MPHOSPH6: variants seen among roughly 807,000 people sequenced by gnomAD.
MPHOSPH6 encodes M-phase phosphoprotein 6.
MPHOSPH6 carries 25 observed loss-of-function variants against 21.8 expected under a neutral mutation model. That is an observed-to-expected ratio of 1.15 (90% confidence interval 0.83 to 1.60). MPHOSPH6 has a LOEUF of 1.60. Among genes scored for constraint, MPHOSPH6 ranks in the 40% most tolerant of loss-of-function variants. The pLI is 0.00. For missense variants in MPHOSPH6, 269 were observed against 181.8 expected, an observed-to-expected ratio of 1.48 and a Z score of -2.76; for synonymous variants, 84 against 56.5, an observed-to-expected ratio of 1.49 and a Z score of -2.18.
Position 82,164,083 on chromosome 16 carries a change from C to T in MPHOSPH6, c.163G>A (p.Glu55Lys), listed in dbSNP as rs1006692785. The T allele has an allele frequency of 2.8e-5, 45 of 1,601,938 alleles. No homozygotes were observed. Among genetic ancestry groups the T allele is most frequent in the Non-Finnish European group, 3.7e-5 (43 of 1,171,290 alleles). The change falls in exon 2 of 5, where the codon GAG becomes AAG. Residue 55 changes from glutamate to lysine, a missense_variant and splice_region_variant. Glu to Lys is a moderately conservative substitution (Grantham distance 56). Transcript: ENST00000258169. ...YLDLPELKEK[E>K]SFIIEEQSFL... ...CAGTATCAATTTTAATAAACCTACT[C>T]TTTCTCTTTAAGCTCTGGCAAATCC...
intron 2 of MPHOSPH6, among the ~76,000 whole-genome samples, chr16:82,160,652 T>C (rs1297348875): frequency 6.6e-6 from 1 of 152,230 alleles, no homozygotes; most frequent in East Asian, 1.9e-4. Flanking sequence ...ATCTCAGCTA[T>C]GATGCAAATC....
chr16:82,155,697 A>C (rs1192373788), intron 2 of MPHOSPH6, among the ~76,000 whole-genome samples: 1 of 152,192 alleles, frequency 6.6e-6, no homozygotes, highest in Non-Finnish European at 1.5e-5. Context: ...TGAGGTCAGG[A>C]GTTCAAGATC....
In MPHOSPH6 at chr16:82,170,223, A is replaced by G. The variant is rs779898579; in HGVS notation, c.-48T>C. ...ACTCCGGCCGCGAGCCTCACCGCACATGCGCGGAGCCGCGTGCGCAGCTGC... is the reference window on the plus strand; with the variant it reads ...ACTCCGGCCGCGAGCCTCACCGCACGTGCGCGGAGCCGCGTGCGCAGCTGC... On this transcript the variant is annotated 5_prime_UTR_variant, in exon 1 of 5. It removes an upstream start codon present in the reference 5' UTR. Transcript: ENST00000258169. The G allele has an allele frequency of 6.4e-7, 1 of 1,551,900 alleles. No homozygotes were observed. Among genetic ancestry groups the G allele is most frequent in the Non-Finnish European group, 8.7e-7 (1 of 1,151,068 alleles).
chr16:82,160,330 G>A (rs574261653), intron 2 of MPHOSPH6, among the ~76,000 whole-genome samples: 2 of 152,282 alleles, frequency 1.3e-5, no homozygotes, highest in East Asian at 3.9e-4. Flanking sequence ...TTTCGCAGAT[G>A]AGAAACTACT....
intron 1 of MPHOSPH6, 133 bp downstream of exon 1, chr16:82,169,992 G>A (rs1229133914): frequency 9.7e-6 from 10 of 1,031,742 alleles, no homozygotes; most frequent in Non-Finnish European, 1.4e-5. Context: ...CTAAGTGAAT[G>A]AATGAGCACG....
chr16:82,157,996 T>G (rs1354179721), intron 2 of MPHOSPH6, among the ~76,000 whole-genome samples: 3 of 152,168 alleles, frequency 2.0e-5, no homozygotes, highest in Non-Finnish European at 4.4e-5. Flanking sequence ...AAAACGAATC[T>G]TAGCATGAGT....
intron 2 of MPHOSPH6, among the ~76,000 whole-genome samples, chr16:82,151,840 A>G (rs1205376273): frequency 6.6e-6 from 1 of 152,250 alleles, no homozygotes; most frequent in Admixed American, 6.5e-5. Context: ...TTGTGTTTAC[A>G]TCCCCTCACC....
chr16:82,150,027 AT>A (rs766945137), intron 3 of MPHOSPH6, among the ~76,000 whole-genome samples: 72 of 139,020 alleles, frequency 5.2e-4, no homozygotes, highest in Admixed American at 2.2e-3. Context: ...TTTTTTTTAA[AT>A]GTGTAATCTC....
At chr16:82,169,963 A>T (rs1031724859) in intron 1 of MPHOSPH6, 162 bp downstream of exon 1, 2 of 806,384 alleles carry the variant, frequency 2.5e-6, no homozygotes, top group African/African-American at 1.8e-5. Context: ...GGTTCCCAGT[A>T]AACAGTGCAG....
At chr16:82,155,038 A>C (rs1414643288) in intron 2 of MPHOSPH6, among the ~76,000 whole-genome samples, 1 of 152,242 alleles carries the variant, frequency 6.6e-6, no homozygotes, top group African/African-American at 2.4e-5. Flanking sequence ...GTATGTCAGA[A>C]ATACAAGGCT....
At chr16:82,168,932 G>C (rs1597167098) in intron 1 of MPHOSPH6, among the ~76,000 whole-genome samples, 1 of 152,262 alleles carries the variant, frequency 6.6e-6, no homozygotes, top group Middle Eastern at 3.4e-3. Flanking sequence ...GAGCCAGACT[G>C]CCTGAATTCC....
intron 2 of MPHOSPH6, 70 bp downstream of exon 2, chr16:82,164,012 G>T (rs1906684003): frequency 5.1e-6 from 5 of 982,458 alleles, no homozygotes; most frequent in Middle Eastern, 2.1e-4. Flanking sequence ...CCGGAATGAT[G>T]AGTTAAATTT....
At chr16:82,161,305 T>C (rs1308495479) in intron 2 of MPHOSPH6, among the ~76,000 whole-genome samples, 1 of 152,218 alleles carries the variant, frequency 6.6e-6, no homozygotes, top group Non-Finnish European at 1.5e-5. Context: ...AGAAGGTTCC[T>C]ATCTTCCACC....
chr16:82,165,315 G>A (rs1306005339), intron 1 of MPHOSPH6, among the ~76,000 whole-genome samples: 2 of 151,214 alleles, frequency 1.3e-5, no homozygotes, highest in South Asian at 2.1e-4. Context: ...TAGTAGAGAC[G>A]GGGGTTCACC....
intron 3 of MPHOSPH6, among the ~76,000 whole-genome samples, chr16:82,150,908 G>T (rs1906243377): frequency 6.6e-6 from 1 of 152,218 alleles, no homozygotes; most frequent in Non-Finnish European, 1.5e-5. Flanking sequence ...ATAAAGGTCT[G>T]CTTCTCTATC....
chr16:82,159,086 T>A, intron 2 of MPHOSPH6, among the ~76,000 whole-genome samples: 1 of 152,346 alleles, frequency 6.6e-6, no homozygotes, highest in Non-Finnish European at 1.5e-5. Flanking sequence ...GAAAAGGCCA[T>A]TGAGATACTC....
At chr16:82,156,539 T>C (rs1211733961) in intron 2 of MPHOSPH6, among the ~76,000 whole-genome samples, 1 of 152,190 alleles carries the variant, frequency 6.6e-6, no homozygotes, top group African/African-American at 2.4e-5. Flanking sequence ...CAACATTATG[T>C]CATCAGGAAA....
chr16:82,149,296 G>A lies in MPHOSPH6; in HGVS notation c.350+13C>T, dbSNP rs202111053. On this transcript the variant is annotated intron_variant, in intron 4 of 4. Transcript: ENST00000258169. ...TAGGTCCAGATTAGAAGGCTGCTGC[G>A]CAGCACGGTTACCTTCTAGCCATCT... The A allele has an allele frequency of 2.0e-5, 32 of 1,611,584 alleles. No individual in the cohort carries two copies. Among genetic ancestry groups the A allele is most frequent in the East Asian group, 4.5e-5 (2 of 44,872 alleles).
At chr16:82,164,706 T>C (rs1906710382) in intron 1 of MPHOSPH6, 1 of 152,986 alleles carries the variant, frequency 6.5e-6, no homozygotes, top group African/African-American at 2.4e-5. Context: ...GGACTGGGTG[T>C]CTGGGTCATC....
Sources: gnomAD v4.1 joint callset for allele counts (sites outside exome capture counted in the v4.1 genomes callset) on GRCh38, gnomAD v4.1.1 for gene constraint, MANE v1.5 for transcripts, NCBI Gene and HGNC (gene_info 2026-07-23, HGNC 2026-07-21) for gene names.